MAN1A1: variants seen among roughly 807,000 people sequenced by gnomAD.
MAN1A1 encodes mannosidase alpha class 1A member 1.
Under a neutral mutation model 70.8 loss-of-function variants are expected in MAN1A1, and 29 were observed. That is an observed-to-expected ratio of 0.41 (90% CI 0.31 to 0.56). MAN1A1 has a LOEUF of 0.56. Among genes scored for constraint, MAN1A1 ranks in the 20% least tolerant of loss-of-function variants. The pLI, the probability that MAN1A1 is intolerant of heterozygous loss-of-function variation, is 0.29. For synonymous variants in MAN1A1, 349 were observed against 330.1 expected, an observed-to-expected ratio of 1.06 and a Z score of -0.62; for missense variants, 747 against 841.3, an observed-to-expected ratio of 0.89 and a Z score of 1.39.
At chr6:119,320,432 C>T (rs1345133962) in intron 2 of MAN1A1, among the ~76,000 whole-genome samples, 2 of 152,020 alleles carry the variant, frequency 1.3e-5, no homozygotes, top group African/African-American at 4.8e-5. Flanking sequence ...TGTACTATTG[C>T]CCCAATTTGA....
chr6:119,244,688 C>G, intron 6 of MAN1A1, among the ~76,000 whole-genome samples: 1 of 152,148 alleles, frequency 6.6e-6, no homozygotes, highest in East Asian at 1.9e-4. Flanking sequence ...AATACATAAA[C>G]CTCCCCAATT....
intron 5 of MAN1A1, among the ~76,000 whole-genome samples, chr6:119,259,186 TC>T (rs1173604479): frequency 6.6e-6 from 1 of 152,206 alleles, no homozygotes; most frequent in African/African-American, 2.4e-5. Flanking sequence ...ATGAGACTTC[TC>T]ACTGTTGTAT....
chr6:119,200,614 C>T (rs1180443313), intron 8 of MAN1A1, among the ~76,000 whole-genome samples: 2 of 152,146 alleles, frequency 1.3e-5, no homozygotes, highest in Non-Finnish European at 2.9e-5. Flanking sequence ...TCCAAATCAG[C>T]TTGAGAACAT....
chr6:119,210,172 C>A (rs1316331232), intron 6 of MAN1A1, among the ~76,000 whole-genome samples: 2 of 152,150 alleles, frequency 1.3e-5, no homozygotes, highest in Non-Finnish European at 2.9e-5. Context: ...GCGAGAGGCA[C>A]TCTCTGATTC....
chr6:119,204,589 T>C (rs1773806361), intron 7 of MAN1A1, among the ~76,000 whole-genome samples, 170 bp downstream of exon 7: 1 of 152,260 alleles, frequency 6.6e-6, no homozygotes, highest in South Asian at 2.1e-4. Context: ...CTGGAAAGGC[T>C]GTAGGTTTAC....
chr6:119,294,134 A>C (rs1450888882), intron 4 of MAN1A1, among the ~76,000 whole-genome samples: 2 of 152,098 alleles, frequency 1.3e-5, no homozygotes, highest in Non-Finnish European at 2.9e-5. Context: ...TTATTTCTCA[A>C]GGGCTTAAAA....
chr6:119,209,102 A>C (rs920177222), intron 6 of MAN1A1, among the ~76,000 whole-genome samples: 6 of 151,828 alleles, frequency 4.0e-5, no homozygotes, highest in African/African-American at 1.5e-4. Context: ...AAAAAAAAAA[A>C]AAAAAAAGGT....
intron 5 of MAN1A1, among the ~76,000 whole-genome samples, chr6:119,267,853 T>C (rs1266520712): frequency 1.3e-5 from 2 of 152,248 alleles, no homozygotes; most frequent in Non-Finnish European, 2.9e-5. Context: ...TTTTTTCTTT[T>C]CTTTTCCTTA....
At chr6:119,252,047 T>A (rs1412837541) in intron 5 of MAN1A1, among the ~76,000 whole-genome samples, 1 of 152,212 alleles carries the variant, frequency 6.6e-6, no homozygotes, top group Non-Finnish European at 1.5e-5. Context: ...TTCCATTATT[T>A]ATCATGTCTT....
intron 5 of MAN1A1, among the ~76,000 whole-genome samples, chr6:119,289,521 T>C (rs999157649): frequency 6.9e-6 from 1 of 144,882 alleles, no homozygotes; most frequent in African/African-American, 2.8e-5. Flanking sequence ...TATCTGGTAG[T>C]GGAAAAACAG....
intron 6 of MAN1A1, among the ~76,000 whole-genome samples, chr6:119,239,364 T>C (rs1426132736): frequency 6.6e-6 from 1 of 152,240 alleles, no homozygotes; most frequent in Non-Finnish European, 1.5e-5. Flanking sequence ...TCACTTTTTT[T>C]CTCTAGTTAA....
intron 6 of MAN1A1, among the ~76,000 whole-genome samples, chr6:119,228,906 C>T (rs1425710318): frequency 3.3e-5 from 5 of 152,132 alleles, no homozygotes; most frequent in Middle Eastern, 3.4e-3. Flanking sequence ...ACTTGGCCTC[C>T]CAGCGTTCAA....
intron 2 of MAN1A1, chr6:119,327,374 T>C (rs1773177769): frequency 6.8e-6 from 1 of 147,050 alleles, no homozygotes. Context: ...TTATGAAGCA[T>C]TCCGTTTTTT....
At chr6:119,193,042 G>A (rs938222880) in intron 9 of MAN1A1, among the ~76,000 whole-genome samples, 1 of 152,064 alleles carries the variant, frequency 6.6e-6, no homozygotes, top group Non-Finnish European at 1.5e-5. Flanking sequence ...ATCCACAGTG[G>A]ATGAGTTAAA....
rs548636221 is a variant in MAN1A1, at chr6:119,305,020, A to C, written c.700+1876T>G. Among the ~76,000 whole-genome samples the C allele has an allele frequency of 1.2e-4, 19 of 152,294 alleles. No individual in the cohort carries two copies. In the South Asian group the frequency reaches 3.9e-3, roughly 32 times the overall value. On this transcript the variant is annotated intron_variant, in intron 3 of 12. Coordinates refer to ENST00000368468, the MANE Select transcript of MAN1A1 (RefSeq NM_005907.4). Reference sequence around the variant, plus strand: ...ATTGTATTGGTATTTCTATAATAAGAAAATCATTATGTATCTTATTTTAAT... The same window carrying C: ...ATTGTATTGGTATTTCTATAATAAGCAAATCATTATGTATCTTATTTTAAT...
intron 6 of MAN1A1, among the ~76,000 whole-genome samples, chr6:119,214,211 A>G (rs7754289): frequency 0.36 from 55,130 of 151,896 alleles, 10,482 homozygotes; most frequent in Non-Finnish European, 0.4. Flanking sequence ...TGATCTGCCC[A>G]CCTCGGCCTC....
At chr6:119,246,150 A>C (rs1441136867) in intron 6 of MAN1A1, among the ~76,000 whole-genome samples, 1 of 152,184 alleles carries the variant, frequency 6.6e-6, no homozygotes, top group Non-Finnish European at 1.5e-5. Flanking sequence ...GTACTAATTA[A>C]GCAATATCAG....
chr6:119,263,950 A>G (rs1430079099), intron 5 of MAN1A1, among the ~76,000 whole-genome samples: 1 of 152,236 alleles, frequency 6.6e-6, no homozygotes, highest in East Asian at 1.9e-4. Flanking sequence ...CTCCTATAGA[A>G]GAAATGTTTC....
intron 5 of MAN1A1, among the ~76,000 whole-genome samples, chr6:119,265,906 T>C (rs1775740063): frequency 1.3e-5 from 2 of 152,192 alleles, no homozygotes; most frequent in East Asian, 1.9e-4. Context: ...AACTAATAAG[T>C]GAGTATTGCA....
Sources: allele counts gnomAD v4.1 joint callset (sites outside exome capture counted in the v4.1 genomes callset), GRCh38; gene constraint gnomAD v4.1.1; transcripts MANE v1.5; gene names NCBI Gene and HGNC (gene_info 2026-07-23, HGNC 2026-07-21).